The following FOCAD variants were observed in gnomAD, a reference collection of about 807,000 sequenced individuals.
The protein encoded by FOCAD is KIAA1797.
In FOCAD, 198 loss-of-function variants were observed where a neutral mutation model predicts 225.6. The observed-to-expected ratio is 0.88, with a 90% CI of 0.78 to 0.99. The LOEUF (loss-of-function observed/expected upper bound fraction) is 0.99. FOCAD is among the 50% of genes least tolerant of loss of function. FOCAD has a pLI of 0.00. For synonymous variants in FOCAD, 897 were observed against 755.0 expected, an observed-to-expected ratio of 1.19 and a Z score of -3.08; for missense variants, 2,713 against 2,123.6, an observed-to-expected ratio of 1.28 and a Z score of -5.46.
At chr9:20,990,640 A>T (rs974162322) in intron 42 of FOCAD, among the ~76,000 whole-genome samples, 2 of 152,220 alleles carry the variant, frequency 1.3e-5, no homozygotes, top group African/African-American at 4.8e-5. Flanking sequence ...TATTGAAGGC[A>T]CTTGTTTTCT....
chr9:20,938,474 G>T (rs953499536), intron 28 of FOCAD, among the ~76,000 whole-genome samples: 3 of 151,756 alleles, frequency 2.0e-5, no homozygotes, highest in Admixed American at 1.3e-4. Flanking sequence ...GCAAACTGTC[G>T]CAAGGACAAA....
chr9:20,947,722 A>T (rs184380283), intron 30 of FOCAD, among the ~76,000 whole-genome samples: 2 of 152,306 alleles, frequency 1.3e-5, no homozygotes, highest in Admixed American at 1.3e-4. Context: ...GAATTTCCCC[A>T]TGTGGATTTT....
intron 18 of FOCAD, among the ~76,000 whole-genome samples, chr9:20,869,795 C>A (rs1428946371): frequency 6.6e-6 from 1 of 152,052 alleles, no homozygotes; most frequent in Non-Finnish European, 1.5e-5. Context: ...AGGATGTTGA[C>A]TGAATGCATA....
chr9:20,809,577 T>C (rs1822830382), intron 11 of FOCAD, among the ~76,000 whole-genome samples: 1 of 152,182 alleles, frequency 6.6e-6, no homozygotes, highest in Non-Finnish European at 1.5e-5. Flanking sequence ...ATGCTGTTTA[T>C]TTTGTATACC....
At chr9:20,683,016 C>T (rs928820892), upstream of FOCAD, among the ~76,000 whole-genome samples, 1 of 152,248 alleles carries the variant, frequency 6.6e-6, no homozygotes, top group African/African-American at 2.4e-5. Flanking sequence ...CCGCCCTCCT[C>T]GGCCTCCCAA....
At position 20,720,479 on chromosome 9, in the gene FOCAD, C is replaced by T. The variant is rs901713895; in HGVS notation, c.232C>T (p.His78Tyr). Residue 78 changes from histidine to tyrosine, a missense_variant, in exon 4 of 44, where the codon CAT (histidine) becomes TAT (tyrosine). Physicochemically the swap from His to Tyr is moderately conservative, Grantham distance 83 (BLOSUM62 2). Coordinates refer to ENST00000338382, the MANE Select transcript of FOCAD (RefSeq NM_001375567.1). ...EGLVALVAQD[H>Y]AEFSYVLNGI... ...TCTGGTGGCACTCGTTGCTCAGGATCATGCAGAGTTCAGCTATGTTCTCAA... is the reference window on the plus strand; with the variant it reads ...TCTGGTGGCACTCGTTGCTCAGGATTATGCAGAGTTCAGCTATGTTCTCAA... The T allele has an allele frequency of 3.1e-6, 5 of 1,613,936 alleles. No homozygotes were observed. The highest frequency in any genetic ancestry group is 3.4e-6 in the Non-Finnish European group (4 of 1,179,978).
At chr9:20,724,689 G>A (rs1174798095) in intron 4 of FOCAD, among the ~76,000 whole-genome samples, 2 of 151,948 alleles carry the variant, frequency 1.3e-5, no homozygotes, top group Non-Finnish European at 2.9e-5. Context: ...GAACTTTGCG[G>A]TGTGTAGTGA....
intron 1 of FOCAD, among the ~76,000 whole-genome samples, chr9:20,693,437 A>G (rs940108695): frequency 1.3e-5 from 2 of 152,164 alleles, no homozygotes; most frequent in Admixed American, 1.3e-4. Context: ...TATCTTCAGA[A>G]ATGCTATGTA....
At chr9:20,668,246 G>A (rs1431110836) in intron 2 of FOCAD, among the ~76,000 whole-genome samples, 5 of 151,990 alleles carry the variant, frequency 3.3e-5, no homozygotes, top group Admixed American at 6.6e-5. Context: ...TCATAAGGGG[G>A]AAAATGACCC....
intron 5 of FOCAD, among the ~76,000 whole-genome samples, chr9:20,754,387 T>C (rs1369053259): frequency 6.6e-6 from 1 of 152,198 alleles, no homozygotes; most frequent in Non-Finnish European, 1.5e-5. Flanking sequence ...GGAATAATTT[T>C]ACATTTGTTT....
intron 1 of FOCAD, among the ~76,000 whole-genome samples, chr9:20,708,780 A>T (rs1292863707): frequency 4.0e-5 from 6 of 151,678 alleles, no homozygotes; most frequent in African/African-American, 1.2e-4. Context: ...CCTGTCTCTT[A>T]AGGAAAAAAA....
chr9:20,986,377 T>C lies in FOCAD; in HGVS notation c.4818T>C (p.Val1606=). ...TGAACCTGACCGATATGCTGAGCGT[T>C]GCTGTGCAGCACCGTGAGAAAGAGG... ...PLVNLTDMLS[V]AVQHREKEVL... is the part of the protein sequence containing the mutation. Residue 1606 remains valine (V), a synonymous_variant, in exon 40 of 44, where the codon GTT becomes GTC. Transcript: ENST00000338382. 2.5e-6 allele frequency: 4 copies of C among 1,610,376 alleles called. No homozygotes were observed. Among genetic ancestry groups the C allele is most frequent in the Non-Finnish European group, 2.5e-6 (3 of 1,178,960 alleles).
At chr9:20,848,492 T>TC (rs1827339653) in intron 15 of FOCAD, among the ~76,000 whole-genome samples, 1 of 151,966 alleles carries the variant, frequency 6.6e-6, no homozygotes, top group African/African-American at 2.4e-5. Flanking sequence ...GGAAAAGGGT[T>TC]CTGGTTTCCA....
intron 15 of FOCAD, among the ~76,000 whole-genome samples, chr9:20,835,569 G>A (rs912627744): frequency 6.6e-6 from 1 of 152,072 alleles, no homozygotes; most frequent in African/African-American, 2.4e-5. Flanking sequence ...TAAGAATCAA[G>A]TAACATTGCT....
intron 15 of FOCAD, among the ~76,000 whole-genome samples, chr9:20,839,800 T>C (rs1273079468): frequency 1.3e-5 from 2 of 152,228 alleles, no homozygotes; most frequent in Non-Finnish European, 1.5e-5. Context: ...CTTTGTGTTA[T>C]GAACATTCCA....
chr9:20,930,014 G>C (rs538908297), intron 27 of FOCAD, among the ~76,000 whole-genome samples: 2 of 152,268 alleles, frequency 1.3e-5, no homozygotes, highest in East Asian at 3.9e-4. Flanking sequence ...CATATCTCTA[G>C]TGCCTAAGGG....
At chr9:20,754,137 A>G (rs1250461632) in intron 5 of FOCAD, among the ~76,000 whole-genome samples, 4 of 152,162 alleles carry the variant, frequency 2.6e-5, no homozygotes, top group Non-Finnish European at 5.9e-5. Flanking sequence ...AGTTGGATGT[A>G]CTTGAAAAAA....
chr9:20,796,532 T>TTG (rs1298864165), intron 11 of FOCAD, among the ~76,000 whole-genome samples: 7 of 152,224 alleles, frequency 4.6e-5, no homozygotes, highest in African/African-American at 1.7e-4. Context: ...TGGTATCTTA[T>TTG]TGTGGTTTTG....
chr9:20,886,702 G>C (rs143644098), intron 21 of FOCAD, among the ~76,000 whole-genome samples: 1 of 152,140 alleles, frequency 6.6e-6, no homozygotes, highest in African/African-American at 2.4e-5. Context: ...GTATTGGACA[G>C]AATTCTGCCA....
Sources: gnomAD v4.1 joint callset for allele counts (sites outside exome capture counted in the v4.1 genomes callset) on GRCh38, gnomAD v4.1.1 for gene constraint, MANE v1.5 for transcripts, NCBI Gene and HGNC (gene_info 2026-07-23, HGNC 2026-07-21) for gene names.